CARMIL1: variants seen among roughly 807,000 people sequenced by gnomAD.
CARMIL1 encodes capping protein regulator and myosin 1 linker 1, also known as F-actin-uncapping protein LRRC16A.
In CARMIL1, 90 loss-of-function variants were observed where a neutral mutation model predicts 177.1. The ratio of observed to expected loss-of-function variants is 0.51; its 90% CI spans 0.43 to 0.61. CARMIL1 has a LOEUF of 0.61. CARMIL1 is among the 20% of genes least tolerant of loss of function. CARMIL1 has a pLI of 0.00. For missense variants in CARMIL1, 1,380 were observed against 1,667.0 expected, an observed-to-expected ratio of 0.83 and a Z score of 3.00; for synonymous variants, 577 against 606.2, an observed-to-expected ratio of 0.95 and a Z score of 0.71.
chr6:25,281,287 C>T (rs1177810273), intron 1 of CARMIL1, among the ~76,000 whole-genome samples: 2 of 151,970 alleles, frequency 1.3e-5, no homozygotes, highest in Non-Finnish European at 2.9e-5. Flanking sequence ...CTTTCCAACA[C>T]CCCAAGCAAA....
chr6:25,493,862 C>A (rs1803453299), intron 15 of CARMIL1, among the ~76,000 whole-genome samples: 1 of 152,134 alleles, frequency 6.6e-6, no homozygotes, highest in African/African-American at 2.4e-5. Flanking sequence ...CAAGAATATA[C>A]AACTTACATT....
intron 2 of CARMIL1, among the ~76,000 whole-genome samples, chr6:25,355,051 T>G (rs1788453093): frequency 6.6e-6 from 1 of 152,190 alleles, no homozygotes; most frequent in Admixed American, 6.5e-5. Flanking sequence ...TAGAATGTAA[T>G]ACCCTCTCCT....
Position 25,604,830 on chromosome 6 carries a change from G to A in CARMIL1, c.3571G>A (p.Val1191Ile), listed in dbSNP as rs201967397. ...TTTTTAGAAGCTTGGGAATGATGCC[G>A]TATCCCAGGATTCTTCCAGCCCAGC... is the stretch of plus-strand genomic sequence containing the variant. ...CAQKKLGNDA[V>I]SQDSSSPALS... Residue 1191 changes from valine (V) to isoleucine (I), a missense_variant, in exon 34 of 37, where the codon GTA (valine) becomes ATA (isoleucine). By Grantham distance (29) the Val-to-Ile change is conservative. Transcript: ENST00000329474. 1.6e-4 allele frequency: 258 copies of A among 1,593,018 alleles called. No individual in the cohort carries two copies. In the African/African-American group the frequency reaches 1.7e-3, roughly 10 times the overall value.
intron 2 of CARMIL1, among the ~76,000 whole-genome samples, chr6:25,296,985 A>G (rs182958261): frequency 6.6e-6 from 1 of 152,072 alleles, no homozygotes; most frequent in African/African-American, 2.4e-5. Flanking sequence ...AAAACGTGGC[A>G]TCTCGCTTTG....
chr6:25,298,832 G>A (rs374246230), intron 2 of CARMIL1, among the ~76,000 whole-genome samples: 2 of 148,032 alleles, frequency 1.4e-5, no homozygotes, highest in South Asian at 4.3e-4. Flanking sequence ...TCGGCTCACC[G>A]CAACCTCCGC....
At chr6:25,396,701 T>G (rs1793433304) in intron 2 of CARMIL1, among the ~76,000 whole-genome samples, 1 of 152,126 alleles carries the variant, frequency 6.6e-6, no homozygotes, top group Non-Finnish European at 1.5e-5. Context: ...CATGGTAACT[T>G]TGTTTATTTT....
chr6:25,279,595 C>T lies in CARMIL1; in HGVS notation c.-201C>T. ...TCATGTAGCAGCAGCAGCAAATCCG[C>T]CTCGCATTTGCAACTCTTTTTTTTT... On this transcript the variant is annotated 5_prime_UTR_variant, in exon 1 of 37. Transcript: ENST00000329474. 1 of 609,866 alleles carries T rather than the reference C, an allele frequency of 1.6e-6. No individual in the cohort carries two copies. Among genetic ancestry groups the T allele is most frequent in the East Asian group, 2.8e-5 (1 of 35,946 alleles). 37.8% of individuals were successfully genotyped at this position (609,866 alleles called of 1,614,324 possible).
At position 25,606,232 on chromosome 6, in the gene CARMIL1, G is replaced by A. The variant is rs767446556; in HGVS notation, c.3806G>A (p.Arg1269Gln). ...TCCCCCAAACCCAGTCTGGCAGCAC[G>A]GCCCGTCATCCCGCAGAAACCAAGA... is the stretch of plus-strand genomic sequence containing the variant. Reference protein sequence around the residue: ...LQSPKPSLAARPVIPQKPRTA... With the variant: ...LQSPKPSLAAQPVIPQKPRTA... The change falls in exon 35 of 37, where the codon CGG (arginine) becomes CAG (glutamine). Residue 1269 changes from arginine (R) to glutamine (Q), a missense_variant. Coordinates refer to ENST00000329474, the MANE Select transcript of CARMIL1 (RefSeq NM_017640.6). 13 of 1,613,878 alleles carry A rather than the reference G, an allele frequency of 8.1e-6. No individual in the cohort carries two copies. The highest frequency in any genetic ancestry group is 1.1e-5 in the South Asian group (1 of 91,052).
intron 26 of CARMIL1, among the ~76,000 whole-genome samples, chr6:25,548,924 A>G (rs1809788454): frequency 6.6e-6 from 1 of 152,136 alleles, no homozygotes; most frequent in African/African-American, 2.4e-5. Context: ...TCACCTACAG[A>G]GTTGTCATGT....
chr6:25,426,764 G>T (rs9461169), intron 4 of CARMIL1, among the ~76,000 whole-genome samples: 5,668 of 152,232 alleles, frequency 0.037, 261 homozygotes, highest in African/African-American at 0.11. Flanking sequence ...AGTTTGTGAA[G>T]AACAAATTAG....
intron 2 of CARMIL1, among the ~76,000 whole-genome samples, chr6:25,289,942 G>A (rs1781811293): frequency 1.3e-5 from 2 of 152,216 alleles, no homozygotes; most frequent in Non-Finnish European, 2.9e-5. Context: ...TAAATGCCAA[G>A]GAGTGCAATT....
chr6:25,292,815 G>C (rs1302879768), intron 2 of CARMIL1, among the ~76,000 whole-genome samples: 1 of 152,114 alleles, frequency 6.6e-6, no homozygotes, highest in South Asian at 2.1e-4. Context: ...GTAAGTGATG[G>C]GGGGGAGTAG....
At chr6:25,304,551 C>CGAA (rs1783117347) in intron 2 of CARMIL1, among the ~76,000 whole-genome samples, 1 of 152,114 alleles carries the variant, frequency 6.6e-6, no homozygotes, top group African/African-American at 2.4e-5. Context: ...GTAGGGTTCA[C>CGAA]GCTCCTATGA....
chr6:25,295,742 C>T lies in CARMIL1; in HGVS notation c.138+10833C>T, dbSNP rs568966914. On this transcript the variant is annotated intron_variant, in intron 2 of 36. Transcript: ENST00000329474. ...CCCTGTGTGGAAGTGTTGTCTTCTACTACAGTATGTTTGCTGGAATGAGAA... is the reference window on the plus strand; with the variant it reads ...CCCTGTGTGGAAGTGTTGTCTTCTATTACAGTATGTTTGCTGGAATGAGAA... 2.8e-4 allele frequency among the ~76,000 whole-genome samples: 43 copies of T among 152,328 alleles called. 1 individual carries two copies. In the South Asian group the frequency reaches 5.0e-3, roughly 18 times the overall value.
chr6:25,383,589 A>G (rs1791821884), intron 2 of CARMIL1: 1 of 152,214 alleles, frequency 6.6e-6, no homozygotes, highest in African/African-American at 2.4e-5. Flanking sequence ...CTTGAAATAG[A>G]AAAACTGTGG....
chr6:25,488,472 G>C lies in CARMIL1; in HGVS notation c.962-10G>C, dbSNP rs768194665. On this transcript the variant is annotated splice_polypyrimidine_tract_variant and intron_variant, in intron 12 of 36. Coordinates refer to ENST00000329474, the MANE Select transcript of CARMIL1 (RefSeq NM_017640.6). ...GTGCAAACTGAGCCTGGATTTTCTT[G>C]ATGTTGCAGGGGTGAACAGCCTTTC... is the stretch of plus-strand genomic sequence containing the variant. 1 of 1,609,112 alleles carries C rather than the reference G, an allele frequency of 6.2e-7. No individual in the cohort carries two copies. The highest frequency in any genetic ancestry group is 8.5e-7 in the Non-Finnish European group (1 of 1,175,458).
chr6:25,589,432 G>A (rs1273018082), intron 31 of CARMIL1, among the ~76,000 whole-genome samples: 2 of 152,162 alleles, frequency 1.3e-5, no homozygotes, highest in Non-Finnish European at 2.9e-5. Context: ...AAATTGCAGT[G>A]TGGCACCCAA....
chr6:25,405,182 A>G (rs759085714), intron 2 of CARMIL1, among the ~76,000 whole-genome samples: 6 of 152,226 alleles, frequency 3.9e-5, no homozygotes, highest in Non-Finnish European at 7.3e-5. Flanking sequence ...TGAGTGAAAC[A>G]CTAGCTGATC....
intron 23 of CARMIL1, among the ~76,000 whole-genome samples, chr6:25,526,973 A>T (rs1187272954): frequency 6.6e-6 from 1 of 152,230 alleles, no homozygotes; most frequent in East Asian, 1.9e-4. Context: ...AGAAAAAAAT[A>T]CTGTGATTCA....
Sources: gnomAD v4.1 joint callset for allele counts (sites outside exome capture counted in the v4.1 genomes callset) on GRCh38, gnomAD v4.1.1 for gene constraint, MANE v1.5 for transcripts, NCBI Gene and HGNC (gene_info 2026-07-23, HGNC 2026-07-21) for gene names.